Variants in HMCN2 observed in about 807,000 individuals in gnomAD.
HMCN2 encodes the protein hemicentin 2.
A neutral mutation model predicts 377.5 loss-of-function variants in HMCN2; 325 were observed. The observed-to-expected ratio is 0.86, with a 90% CI of 0.79 to 0.94. The LOEUF is 0.94. HMCN2 is among the 40% of genes least tolerant of loss of function. The pLI, the probability that HMCN2 is intolerant of heterozygous loss-of-function variation, is 0.00. For missense variants in HMCN2, 4,543 were observed against 4,725.3 expected (o/e 0.96, Z 1.13); for synonymous variants, 2,007 against 2,046.8 (o/e 0.98, Z 0.53).
intron 62 of HMCN2, among the ~76,000 whole-genome samples, chr9:130,389,824 C>G (rs1842213817): frequency 1.3e-5 from 2 of 152,356 alleles, no homozygotes; most frequent in South Asian, 2.1e-4. Context: ...ATCCACCTGC[C>G]TCGGCCTCCC....
In HMCN2 at chr9:130,369,002, G is replaced by A. The variant is rs1389949234; in HGVS notation, c.6787+565G>A. 6.6e-6 allele frequency among the ~76,000 whole-genome samples: 1 copy of A among 152,138 alleles called. No homozygotes were observed. Among genetic ancestry groups the A allele is most frequent in the African/African-American group, 2.4e-5 (1 of 41,418 alleles). ...GCTTCTCACTAACCCAAGCATTGGG[G>A]GTGGGGGCAGCAGCACAGTCCCTAA... On this transcript the variant is annotated intron_variant, in intron 44 of 97. Transcript: ENST00000683500. The surrounding 1 kb of genome is among the most constrained non-coding windows in gnomAD (Gnocchi z 4.5).
Position 130,433,853 on chromosome 9 carries a change from AC to A in HMCN2, c.*165del. The A allele has an allele frequency of 1.6e-6, 1 of 626,160 alleles. No homozygotes were observed. The highest frequency in any genetic ancestry group is 2.5e-6 in the Non-Finnish European group (1 of 398,392). 38.8% of individuals were successfully genotyped at this position (626,160 alleles called of 1,614,324 possible). A position where few individuals can be genotyped will look rare whatever the true frequency, so the allele number is the denominator to read the frequency against. On this transcript the variant is annotated 3_prime_UTR_variant, in exon 98 of 98. Coordinates refer to ENST00000683500, the MANE Select transcript of HMCN2 (RefSeq NM_001291815.2). ...CAACACGACCCTGCGCACAGCCTTG[AC>A]CCCCGACAGCGAGGACCTGACCTCA...
chr9:130,301,728 G>A (rs1836526562), intron 8 of HMCN2, among the ~76,000 whole-genome samples: 1 of 152,234 alleles, frequency 6.6e-6, no homozygotes, highest in South Asian at 2.1e-4. Flanking sequence ...AGGAGGTCTA[G>A]TGCATTGTCT....
chr9:130,331,942 A>G (rs1232474226), intron 22 of HMCN2, among the ~76,000 whole-genome samples: 1 of 150,952 alleles, frequency 6.6e-6, no homozygotes, highest in African/African-American at 2.4e-5. Context: ...TACCCCCACC[A>G]CCCTCCTCTG....
At position 130,425,790 on chromosome 9, in the gene HMCN2, ACAG is replaced by A. The variant is rs1380535719; in HGVS notation, c.13748_13750del (p.Ser4583del). On this transcript the variant is annotated inframe_deletion, in exon 90 of 98. Coordinates refer to ENST00000683500, the MANE Select transcript of HMCN2 (RefSeq NM_001291815.2). Reference sequence around the variant, plus strand: ...CTCCCCTCGTTCCTACGCTGCAACCACAGCATCCAGTACAACGCGGCCCGGGGC... The same window carrying A: ...CTCCCCTCGTTCCTACGCTGCAACCACATCCAGTACAACGCGGCCCGGGGC... The A allele has an allele frequency of 1.5e-5, 23 of 1,550,408 alleles. No individual in the cohort carries two copies. The highest frequency in any genetic ancestry group is 2.0e-5 in the Admixed American group (1 of 50,994).
At chr9:130,383,262 A>AG (rs1446748410) in intron 56 of HMCN2, among the ~76,000 whole-genome samples, 7 of 89,712 alleles carry the variant, frequency 7.8e-5, no homozygotes, top group Non-Finnish European at 1.5e-4. Context: ...GGCCCTCCAC[A>AG]GGGGTGGGGG....
intron 21 of HMCN2, among the ~76,000 whole-genome samples, chr9:130,326,310 G>A (rs1838131592): frequency 1.3e-5 from 2 of 152,048 alleles, no homozygotes. Flanking sequence ...CCCCAGGCTG[G>A]TCAAGTCACC....
Position 130,362,110 on chromosome 9 carries a change from T to G in HMCN2, c.6053T>G (p.Leu2018Arg). 1 of 985,924 alleles carries G rather than the reference T, an allele frequency of 1.0e-6. No individual in the cohort carries two copies. Among genetic ancestry groups the G allele is most frequent in the Non-Finnish European group, 1.2e-6 (1 of 829,968 alleles). 61.1% of individuals were successfully genotyped at this position (985,924 alleles called of 1,614,324 possible). A position where few individuals can be genotyped will look rare whatever the true frequency, so the allele number is the denominator to read the frequency against. Residue 2018 changes from leucine (L) to arginine (R), a missense_variant, in exon 39 of 98, where the codon CTG (leucine) becomes CGG (arginine). Transcript: ENST00000683500. ...GCCACCGGTGCCCCCAGCCCCACAC[T>G]GATGTGGCTGAAGGATGGAAACCCT... ...CNATGAPSPT[L>R]MWLKDGNPVS...
chr9:130,365,793 C>T, intron 42 of HMCN2, 66 bp downstream of exon 42: 1 of 978,998 alleles, frequency 1.0e-6, no homozygotes, highest in Non-Finnish European at 1.2e-6. Context: ...AGGACACAGC[C>T]CTCCTCCAGC....
At chr9:130,384,921 C>T (rs531630767) in intron 59 of HMCN2, 123 bp downstream of exon 59, 29 of 557,070 alleles carry the variant, frequency 5.2e-5, no homozygotes, top group East Asian at 6.9e-5. Flanking sequence ...CTGGGACGCC[C>T]GCACAGATCA....
At chr9:130,275,188 G>T (rs1588154102) in intron 1 of HMCN2, among the ~76,000 whole-genome samples, 1 of 152,122 alleles carries the variant, frequency 6.6e-6, no homozygotes. Flanking sequence ...GCCTTAATCA[G>T]CATTCATTGA....
intron 1 of HMCN2, among the ~76,000 whole-genome samples, chr9:130,277,869 CAT>C: frequency 3.0e-5 from 1 of 32,898 alleles, no homozygotes; most frequent in South Asian, 1.5e-3. Context: ...CCATCATCAT[CAT>C]CACCACCACC....
At position 130,403,193 on chromosome 9, in the gene HMCN2, G is replaced by T. The variant is rs1343044448; in HGVS notation, c.11879-1G>T. 3 of 1,288,674 alleles carry T rather than the reference G, an allele frequency of 2.3e-6. No homozygotes were observed. Among genetic ancestry groups the T allele is most frequent in the Non-Finnish European group, 3.0e-6 (3 of 988,110 alleles). 79.8% of individuals were successfully genotyped at this position (1,288,674 alleles called of 1,614,324 possible). The stretch of plus-strand genomic sequence containing the variant: ...GCCCTCTGCACCCCCGTCCTTTGTA[G>T]CCTCCCCGGTGGTGAAGCCGCTGCC... On this transcript the variant is annotated splice_acceptor_variant, in intron 78 of 97. Coordinates refer to ENST00000683500, the MANE Select transcript of HMCN2 (RefSeq NM_001291815.2). LOFTEE classifies it high-confidence loss of function.
intron 79 of HMCN2, among the ~76,000 whole-genome samples, 184 bp downstream of exon 79, chr9:130,403,512 T>A (rs1032419949): frequency 9.2e-5 from 14 of 152,178 alleles, no homozygotes; most frequent in African/African-American, 3.4e-4. Context: ...CCTTCTCCTG[T>A]CACCATGGCC....
chr9:130,402,646 A>G (rs978286961), intron 77 of HMCN2, 143 bp from the exon 78 acceptor site: 1 of 402,874 alleles, frequency 2.5e-6, no homozygotes, highest in African/African-American at 2.1e-5. Context: ...GTTCCCATAC[A>G]GTCACATCCC....
At chr9:130,412,198 C>G (rs1294603228) in intron 85 of HMCN2, among the ~76,000 whole-genome samples, 2 of 152,206 alleles carry the variant, frequency 1.3e-5, no homozygotes, top group African/African-American at 4.8e-5. Flanking sequence ...TCTTGAACTT[C>G]TGACCTCAGG....
At chr9:130,282,697 C>T (rs552751716) in intron 1 of HMCN2, among the ~76,000 whole-genome samples, 403 of 152,316 alleles carry the variant, frequency 2.6e-3, no homozygotes, top group African/African-American at 9.2e-3. Flanking sequence ...GACTGAGCTC[C>T]GCCAACTGGT....
chr9:130,425,643 T>TCTCCCCCCCCCCCCCCC, intron 89 of HMCN2, 44 bp from the exon 90 acceptor site: 2 of 582,134 alleles, frequency 3.4e-6, no homozygotes, highest in South Asian at 1.9e-5. Context: ...CCTTTCTCCC[T>TCTCCCCCCCCCCCCCCC]CTCCCCCACC....
At chr9:130,318,240 A>G (rs936156596) in intron 15 of HMCN2, among the ~76,000 whole-genome samples, 4 of 152,142 alleles carry the variant, frequency 2.6e-5, no homozygotes, top group Non-Finnish European at 5.9e-5. Context: ...TGAGGCCAGG[A>G]GGGAAATTTG....
Sources: allele counts gnomAD v4.1 joint callset (sites outside exome capture counted in the v4.1 genomes callset), GRCh38; gene constraint gnomAD v4.1.1; non-coding constraint Gnocchi (gnomAD v3.1); transcripts MANE v1.5; gene names NCBI Gene and HGNC (gene_info 2026-07-23, HGNC 2026-07-21).